CACNA1D: variants seen among roughly 807,000 people sequenced by gnomAD.
CACNA1D encodes voltage-dependent L-type calcium channel subunit alpha-1D.
Under a neutral mutation model 257.1 loss-of-function variants are expected in CACNA1D, and 55 were observed. The observed-to-expected ratio is 0.21, with a 90% CI of 0.17 to 0.27. The LOEUF (loss-of-function observed/expected upper bound fraction) is 0.27. Ranked by LOEUF, CACNA1D falls within the 10% of genes least tolerant of loss-of-function variation. The pLI is 1.00. For synonymous variants in CACNA1D, 980 were observed against 1,014.9 expected (o/e 0.97, Z 0.65); for missense variants, 1,876 against 2,784.0 (o/e 0.67, Z 7.34).
At chr3:53,807,503 A>G (rs2095572776) in intron 45 of CACNA1D, 1 of 152,338 alleles carries the variant, frequency 6.6e-6, no homozygotes, top group Non-Finnish European at 1.5e-5. Flanking sequence ...TGGGCTTTCC[A>G]ATAGCGGAAT....
chr3:53,630,092 CAT>C (rs1389416493), intron 3 of CACNA1D, among the ~76,000 whole-genome samples: 1 of 152,168 alleles, frequency 6.6e-6, no homozygotes, highest in Admixed American at 6.5e-5. Context: ...TTTAAAAAGA[CAT>C]AACACCTGTG....
At chr3:53,775,459 C>G (rs746228994) in intron 34 of CACNA1D, among the ~76,000 whole-genome samples, 20 of 151,942 alleles carry the variant, frequency 1.3e-4, no homozygotes, top group Non-Finnish European at 2.5e-4. Context: ...TGCCTGTAGT[C>G]CTAGCTACTG....
chr3:53,732,921 C>T lies in CACNA1D; in HGVS notation c.2580C>T (p.Ile860=), dbSNP rs765853881. 1.9e-6 allele frequency: 3 copies of T among 1,613,894 alleles called. No homozygotes were observed. Among genetic ancestry groups the T allele is most frequent in the Non-Finnish European group, 1.7e-6 (2 of 1,179,904 alleles). ...ACATGAAGGAAAAAATTGCCCCCATCCCTGAAGGGAGCGCTTTCTTCATTC... is the reference window on the plus strand; with the variant it reads ...ACATGAAGGAAAAAATTGCCCCCATTCCTGAAGGGAGCGCTTTCTTCATTC... ...ELNMKEKIAP[I]PEGSAFFILS... Residue 860 remains isoleucine, a synonymous_variant, in exon 19 of 48, where the codon ATC becomes ATT. Coordinates refer to ENST00000350061, the MANE Select transcript of CACNA1D (RefSeq NM_001128840.3).
intron 23 of CACNA1D, among the ~76,000 whole-genome samples, chr3:53,745,362 T>A (rs1439128861): frequency 6.6e-6 from 1 of 152,020 alleles, no homozygotes; most frequent in Non-Finnish European, 1.5e-5. Flanking sequence ...TGCCTCAGCC[T>A]CCTCAGTAGC....
chr3:53,651,244 A>G (rs908026141), intron 4 of CACNA1D, among the ~76,000 whole-genome samples: 1 of 152,180 alleles, frequency 6.6e-6, no homozygotes, highest in Admixed American at 6.5e-5. Flanking sequence ...ATTAGAGTCA[A>G]ATGAGTAGAG....
At chr3:53,651,162 C>A (rs2094087927) in intron 4 of CACNA1D, among the ~76,000 whole-genome samples, 2 of 152,068 alleles carry the variant, frequency 1.3e-5, no homozygotes, top group South Asian at 4.1e-4. Context: ...AGAAGGGAGT[C>A]TGAACTCCTA....
chr3:53,778,387 G>A (rs181487283), intron 37 of CACNA1D, among the ~76,000 whole-genome samples: 4 of 152,314 alleles, frequency 2.6e-5, no homozygotes, highest in Admixed American at 2.6e-4. Flanking sequence ...GTGAACAAAT[G>A]TCCAGGGTTC....
Position 53,812,368 on chromosome 3 carries a change from T to C in CACNA1D, c.*962T>C, listed in dbSNP as rs1293292855. ...ATTCTCATTTATTCAGCGAAAATCCTCTGGGGTTAAAATTTTAAGTTTGAA... is the reference window on the plus strand; with the variant it reads ...ATTCTCATTTATTCAGCGAAAATCCCCTGGGGTTAAAATTTTAAGTTTGAA... On this transcript the variant is annotated 3_prime_UTR_variant, in exon 48 of 48. Coordinates refer to ENST00000350061, the MANE Select transcript of CACNA1D (RefSeq NM_001128840.3). 1 of 152,238 alleles carries C rather than the reference T, an allele frequency of 6.6e-6. No homozygotes were observed. The highest frequency in any genetic ancestry group is 1.5e-5 in the Non-Finnish European group (1 of 68,036). 9.4% of individuals were successfully genotyped at this position (152,238 alleles called of 1,614,324 possible). A position where few individuals can be genotyped will look rare whatever the true frequency, so the allele number is the denominator to read the frequency against.
chr3:53,673,214 A>G lies in CACNA1D; in HGVS notation c.1220+88A>G. On this transcript the variant is annotated intron_variant, in intron 8 of 47. Coordinates refer to ENST00000350061, the MANE Select transcript of CACNA1D (RefSeq NM_001128840.3). This position sits in a 1 kb window ranked among gnomAD's most constrained non-coding sequence, Gnocchi z 4.1. ...GCTTTGCTGGATGAGGGCCGCCAAG[A>G]GGGGTTGCCAGACATTTTATGTGTC... The G allele has an allele frequency of 2.4e-6, 2 of 822,212 alleles. No individual in the cohort carries two copies. Among genetic ancestry groups the G allele is most frequent in the Non-Finnish European group, 4.0e-6 (2 of 494,392 alleles). The allele number at this position is 822,212 out of a possible 1,614,324, so 50.9% of individuals were successfully genotyped here.
chr3:53,695,403 G>A (rs1029417674), intron 8 of CACNA1D, among the ~76,000 whole-genome samples: 10 of 152,106 alleles, frequency 6.6e-5, no homozygotes, highest in Admixed American at 6.5e-5. Flanking sequence ...TCATATGGCA[G>A]CCCTTCAGAT....
chr3:53,517,094 G>A (rs908571205), intron 3 of CACNA1D, among the ~76,000 whole-genome samples: 2 of 152,180 alleles, frequency 1.3e-5, no homozygotes, highest in African/African-American at 4.8e-5. Flanking sequence ...GTGTGAAAGC[G>A]TTTTATAATC....
chr3:53,719,460 G>A (rs552088386), intron 10 of CACNA1D, among the ~76,000 whole-genome samples: 1 of 152,314 alleles, frequency 6.6e-6, no homozygotes, highest in South Asian at 2.1e-4. Flanking sequence ...TGAGTGGCAG[G>A]AGAGACTCTG....
rs74656212 is a variant in CACNA1D at position 53,543,141 on chromosome 3, T to G, written c.483+41421T>G. On this transcript the variant is annotated intron_variant, in intron 3 of 47. Coordinates refer to ENST00000350061, the MANE Select transcript of CACNA1D (RefSeq NM_001128840.3). Reference sequence around the variant, plus strand: ...AGTAAAAAATAAATAAAGAAAGAAATAAATAAATAAATGAAGAAGTCAATC... The same window carrying G: ...AGTAAAAAATAAATAAAGAAAGAAAGAAATAAATAAATGAAGAAGTCAATC... Among the ~76,000 whole-genome samples the G allele has an allele frequency of 5.0e-3, 588 of 118,398 alleles. 7 individuals are homozygous for G. The highest frequency in any genetic ancestry group is 0.026 in the East Asian group (104 of 3,958). The allele number at this position is 118,398 out of a possible 152,430, so 77.7% of individuals were successfully genotyped here.
chr3:53,737,297 G>A (rs80193334), intron 20 of CACNA1D, among the ~76,000 whole-genome samples: 2,164 of 152,214 alleles, frequency 0.014, 59 homozygotes, highest in African/African-American at 0.048. Flanking sequence ...TATTTTGGGG[G>A]AAAAAATGTA....
intron 3 of CACNA1D, among the ~76,000 whole-genome samples, chr3:53,615,156 TC>T (rs1370841150): frequency 2.0e-5 from 3 of 152,114 alleles, no homozygotes; most frequent in African/African-American, 7.3e-5. Flanking sequence ...ATTTTATGTG[TC>T]CCCTGCTCTC....
At chr3:53,630,802 G>A (rs1304726123) in intron 3 of CACNA1D, among the ~76,000 whole-genome samples, 1 of 152,146 alleles carries the variant, frequency 6.6e-6, no homozygotes, top group African/African-American at 2.4e-5. Flanking sequence ...GGTTGGTTTG[G>A]TTCCAGACTA....
intron 32 of CACNA1D, 86 bp from the exon 33 acceptor site, chr3:53,772,747 T>A: frequency 1.1e-6 from 1 of 906,434 alleles, no homozygotes; most frequent in Non-Finnish European, 1.9e-6. Flanking sequence ...AGGAAGCATG[T>A]GGCCACTCAT....
At position 53,745,639 on chromosome 3, in the gene CACNA1D, G is replaced by A. The variant is rs1473391122; in HGVS notation, c.3022G>A (p.Val1008Ile). ...CTCTCCGCAGCACGTGGTCCAGTGC[G>A]TCTTCGTGGCCATCCGGACCATCGG... ...AKGLKHVVQC[V>I]FVAIRTIGNI... The change falls in exon 24 of 48, where the codon GTC (valine) becomes ATC (isoleucine). Residue 1008 changes from valine to isoleucine, a missense_variant. By Grantham distance (29) the Val-to-Ile change is conservative. Coordinates refer to ENST00000350061, the MANE Select transcript of CACNA1D (RefSeq NM_001128840.3). The A allele has an allele frequency of 5.0e-6, 8 of 1,613,436 alleles. No individual in the cohort carries two copies. The highest frequency in any genetic ancestry group is 1.1e-5 in the South Asian group (1 of 91,066).
chr3:53,813,716 T>TTTTC lies in CACNA1D; in HGVS notation c.*2314_*2317dup, dbSNP rs1185158578. 13 of 152,360 alleles carry TTTTC rather than the reference T, an allele frequency of 8.5e-5. No homozygotes were observed. The highest frequency in any genetic ancestry group is 2.6e-4 in the African/African-American group (11 of 41,588). The allele number at this position is 152,360 out of a possible 1,614,324, so 9.4% of individuals were successfully genotyped here. Reference sequence around the variant, plus strand: ...TTCAACCTCTCATCGAATATTAAATTTTTCTTTGTAAGAAAAATTTGAAGT... The same window carrying TTTTC: ...TTCAACCTCTCATCGAATATTAAATTTTTCTTTCTTTGTAAGAAAAATTTGAAGT... On this transcript the variant is annotated 3_prime_UTR_variant, in exon 48 of 48. Transcript: ENST00000350061.
Sources: gnomAD v4.1 joint callset for allele counts (sites outside exome capture counted in the v4.1 genomes callset) on GRCh38, gnomAD v4.1.1 for gene constraint, Gnocchi (gnomAD v3.1) non-coding constraint, MANE v1.5 for transcripts, NCBI Gene and HGNC (gene_info 2026-07-23, HGNC 2026-07-21) for gene names.